The following UNC5C variants were observed in gnomAD, a reference collection of about 807,000 sequenced individuals.
UNC5C encodes unc-5 netrin receptor C.
In UNC5C, 47 loss-of-function variants were observed where a neutral mutation model predicts 99.8. The observed-to-expected ratio is 0.47, with a 90% CI of 0.37 to 0.60. The LOEUF (loss-of-function observed/expected upper bound fraction) is 0.60. UNC5C is among the 20% of genes least tolerant of loss of function. UNC5C has a pLI of 0.00. For missense variants in UNC5C, 1,062 were observed against 1,165.9 expected, an observed-to-expected ratio of 0.91 and a Z score of 1.30; for synonymous variants, 487 against 452.2, an observed-to-expected ratio of 1.08 and a Z score of -0.98.
intron 1 of UNC5C, among the ~76,000 whole-genome samples, chr4:95,351,145 G>T (rs921563600): frequency 2.0e-5 from 3 of 151,948 alleles, no homozygotes; most frequent in South Asian, 2.1e-4. Flanking sequence ...TCACCTGAAG[G>T]CCTCCCCACT....
intron 1 of UNC5C, among the ~76,000 whole-genome samples, chr4:95,486,157 T>C (rs542096801): frequency 1.1e-3 from 165 of 151,870 alleles, no homozygotes; most frequent in South Asian, 2.7e-3. Flanking sequence ...ATACATAAAA[T>C]AAAACATATA....
chr4:95,463,075 G>T (rs1433391713), intron 1 of UNC5C, among the ~76,000 whole-genome samples: 1 of 152,150 alleles, frequency 6.6e-6, no homozygotes, highest in Non-Finnish European at 1.5e-5. Flanking sequence ...AACATGCTGT[G>T]CTCTCTCCAC....
At chr4:95,283,228 A>G (rs957053407) in intron 3 of UNC5C, among the ~76,000 whole-genome samples, 2 of 152,142 alleles carry the variant, frequency 1.3e-5, no homozygotes, top group Admixed American at 1.3e-4. Flanking sequence ...CTTATTTCCT[A>G]ATTGAGAATG....
At chr4:95,243,692 T>C (rs1327423780) in intron 6 of UNC5C, among the ~76,000 whole-genome samples, 3 of 152,198 alleles carry the variant, frequency 2.0e-5, no homozygotes, top group African/African-American at 7.2e-5. Context: ...ATAATGTGGA[T>C]ATGGTTATAA....
At chr4:95,399,327 A>G (rs978058055) in intron 1 of UNC5C, among the ~76,000 whole-genome samples, 19 of 152,224 alleles carry the variant, frequency 1.2e-4, no homozygotes, top group African/African-American at 4.1e-4. Context: ...AATACTGTCA[A>G]CAACTCCACA....
rs193171040 is a variant in UNC5C, at chr4:95,536,888, C to A, written c.124+11846G>T. On this transcript the variant is annotated intron_variant, in intron 1 of 15. Transcript: ENST00000453304. ...TTGGTTAGTAATTTAATTGCTTAAACCCTGACCATGTAAGCTCCCAAATCA... is the reference window on the plus strand; with the variant it reads ...TTGGTTAGTAATTTAATTGCTTAAAACCTGACCATGTAAGCTCCCAAATCA... Among the ~76,000 whole-genome samples the A allele has an allele frequency of 5.8e-3, 880 of 152,250 alleles. 6 individuals are homozygous for A. The highest frequency in any genetic ancestry group is 0.02 in the African/African-American group (839 of 41,550).
chr4:95,222,132 GA>G (rs544528525), intron 7 of UNC5C: 1 of 1,080,672 alleles, frequency 9.3e-7, no homozygotes, highest in South Asian at 1.7e-5. Context: ...TCTGTAATCC[GA>G]AGAAAGGTAA....
intron 1 of UNC5C, among the ~76,000 whole-genome samples, chr4:95,458,412 T>C (rs1370388261): frequency 2.0e-5 from 3 of 152,252 alleles, no homozygotes; most frequent in Admixed American, 1.3e-4. Context: ...TTTCTGCTTT[T>C]CCCGTTAGAT....
chr4:95,535,614 T>G (rs1254449573), intron 1 of UNC5C, among the ~76,000 whole-genome samples: 2 of 152,202 alleles, frequency 1.3e-5, no homozygotes, highest in Non-Finnish European at 1.5e-5. Flanking sequence ...AGATTTTAAC[T>G]TGTATGCAAT....
At chr4:95,170,614 G>A (rs1736059370) in intron 14 of UNC5C, among the ~76,000 whole-genome samples, 1 of 152,100 alleles carries the variant, frequency 6.6e-6, no homozygotes, top group South Asian at 2.1e-4. Flanking sequence ...GGTGTGATTC[G>A]ATAACAGCTT....
intron 1 of UNC5C, among the ~76,000 whole-genome samples, chr4:95,411,377 A>G (rs747254665): frequency 7.2e-5 from 11 of 151,932 alleles, no homozygotes; most frequent in Non-Finnish European, 1.5e-4. Context: ...TTTAAAGAGA[A>G]AGTTATCTTC....
intron 4 of UNC5C, among the ~76,000 whole-genome samples, chr4:95,261,477 T>C (rs1312735071): frequency 6.6e-6 from 1 of 152,202 alleles, no homozygotes; most frequent in Non-Finnish European, 1.5e-5. Flanking sequence ...GAAGGATCTC[T>C]TCACATGTAA....
At chr4:95,527,211 A>G (rs1722522420) in intron 1 of UNC5C, among the ~76,000 whole-genome samples, 1 of 152,108 alleles carries the variant, frequency 6.6e-6, no homozygotes, top group Admixed American at 6.5e-5. Context: ...AATTCCCAAT[A>G]TATTAGTAAC....
intron 1 of UNC5C, among the ~76,000 whole-genome samples, chr4:95,501,650 G>T (rs1721778319): frequency 1.3e-5 from 2 of 152,100 alleles, no homozygotes; most frequent in African/African-American, 2.4e-5. Flanking sequence ...GAAGTAAAGT[G>T]GTTTTAAAAA....
At chr4:95,355,614 C>A (rs377690971) in intron 1 of UNC5C, among the ~76,000 whole-genome samples, 1 of 151,876 alleles carries the variant, frequency 6.6e-6, no homozygotes, top group African/African-American at 2.4e-5. Context: ...GCGCCCCACC[C>A]CCCCAGCATG....
intron 1 of UNC5C, among the ~76,000 whole-genome samples, chr4:95,400,391 T>TG (rs1745654567): frequency 7.6e-6 from 1 of 131,808 alleles, no homozygotes; most frequent in Admixed American, 7.6e-5. Context: ...ATTCTTTTTT[T>TG]TTTTTTTTTT....
rs1735822515 is a variant in UNC5C at position 95,165,391 on chromosome 4, C to G, written c.*3843G>C. The G allele has an allele frequency of 6.6e-6, 1 of 152,220 alleles. No individual in the cohort carries two copies. The highest frequency in any genetic ancestry group is 6.5e-5 in the Admixed American group (1 of 15,288). 9.4% of individuals were successfully genotyped at this position (152,220 alleles called of 1,614,324 possible). A position where few individuals can be genotyped will look rare whatever the true frequency, so the allele number is the denominator to read the frequency against. ...TCCAGTTCTTGAAGAGCCTAACTTG[C>G]TCACAGCAGGATGGGGGTTTTCTGC... On this transcript the variant is annotated 3_prime_UTR_variant, in exon 16 of 16. Transcript: ENST00000453304.
chr4:95,477,448 G>C (rs73838878), intron 1 of UNC5C, among the ~76,000 whole-genome samples: 4,832 of 152,068 alleles, frequency 0.032, 142 homozygotes, highest in African/African-American at 0.076. Context: ...TGGAGAAAGG[G>C]CCAGCTCTGT....
rs200889929 is a variant in UNC5C at position 95,545,767 on chromosome 4, C to CGT, written c.124+2966_124+2967insAC. 7.7e-3 allele frequency among the ~76,000 whole-genome samples: 1,065 copies of CGT among 139,190 alleles called. 8 individuals carry two copies. Among genetic ancestry groups the CGT allele is most frequent in the African/African-American group, 0.03 (962 of 32,472 alleles). The allele number at this position is 139,190 out of a possible 152,430, so 91.3% of individuals were successfully genotyped here. A position where few individuals can be genotyped will look rare whatever the true frequency, so the allele number is the denominator to read the frequency against. ...CACACTGATCTCACACACACGCGCG[C>CGT]GCGCGCACACACACACACACACACA... is the stretch of plus-strand genomic sequence containing the variant. On this transcript the variant is annotated intron_variant, in intron 1 of 15. Coordinates refer to ENST00000453304, the MANE Select transcript of UNC5C (RefSeq NM_003728.4).
Sources: gnomAD v4.1 joint callset for allele counts (sites outside exome capture counted in the v4.1 genomes callset) on GRCh38, gnomAD v4.1.1 for gene constraint, MANE v1.5 for transcripts, NCBI Gene and HGNC (gene_info 2026-07-23, HGNC 2026-07-21) for gene names.